The following ERBB4 variants were observed in gnomAD, a reference collection of about 807,000 sequenced individuals.
ERBB4 encodes erb-b2 receptor tyrosine kinase 4.
A neutral mutation model predicts 158.0 loss-of-function variants in ERBB4; 42 were observed. The ratio of observed to expected loss-of-function variants is 0.27; its 90% CI spans 0.21 to 0.34. ERBB4 has a LOEUF of 0.34. ERBB4 is among the 10% of genes least tolerant of loss of function. The pLI is 1.00. For missense variants in ERBB4, 1,333 were observed against 1,624.1 expected (o/e 0.82, Z 3.08); for synonymous variants, 583 against 558.7 (o/e 1.04, Z -0.61).
intron 1 of ERBB4, among the ~76,000 whole-genome samples, chr2:212,247,775 G>A (rs966928841): frequency 1.4e-4 from 22 of 152,140 alleles, no homozygotes; most frequent in African/African-American, 5.3e-4. Context: ...ACCTGCCTGG[G>A]CAACATGGTG....
At position 211,861,139 on chromosome 2, in the gene ERBB4, TATATATATATATATATTAAA is replaced by T. The variant is rs1402583129; in HGVS notation, c.422-73000_422-72981del. 6.5e-3 allele frequency among the ~76,000 whole-genome samples: 231 copies of T among 35,688 alleles called. 2 individuals carry two copies. Among genetic ancestry groups the T allele is most frequent in the South Asian group, 0.013 (13 of 1,006 alleles). The allele number at this position is 35,688 out of a possible 152,430, so 23.4% of individuals were successfully genotyped here. On this transcript the variant is annotated intron_variant, in intron 3 of 27. Transcript: ENST00000342788. ...TATATATATTTTATATATATATATA[TATATATATATATATATTAAA>T]AAAAAGTAGTTTTTTTTTTTTTTGA...
At chr2:212,237,691 C>T (rs2083929717) in intron 1 of ERBB4, among the ~76,000 whole-genome samples, 1 of 152,168 alleles carries the variant, frequency 6.6e-6, no homozygotes, top group Non-Finnish European at 1.5e-5. Context: ...TGCCCCTTCT[C>T]CCAGGTGCTC....
chr2:211,433,218 G>A (rs1225894369), intron 20 of ERBB4, among the ~76,000 whole-genome samples: 6 of 152,208 alleles, frequency 3.9e-5, no homozygotes, highest in African/African-American at 1.4e-4. Flanking sequence ...TCCCTTATAT[G>A]TCATGGTAAA....
chr2:211,896,862 A>G (rs939934314), intron 3 of ERBB4, among the ~76,000 whole-genome samples: 3 of 152,036 alleles, frequency 2.0e-5, no homozygotes, highest in Admixed American at 2.0e-4. Flanking sequence ...TATTTGTTAC[A>G]ATTTCATCAT....
At chr2:212,039,607 A>C (rs1298367722) in intron 2 of ERBB4, among the ~76,000 whole-genome samples, 1 of 152,202 alleles carries the variant, frequency 6.6e-6, no homozygotes, top group African/African-American at 2.4e-5. Context: ...AGTAGCAATA[A>C]TCATCGCCAG....
Position 211,665,410 on chromosome 2 carries a change from T to C in ERBB4, c.1784A>G (p.Asp595Gly). Residue 595 changes from aspartate to glycine, a missense_variant, in exon 15 of 28, where the codon GAT becomes GGT. Asp to Gly is a moderately conservative substitution (Grantham distance 94). Around this residue, in one of 5 missense-constraint regions of ERBB4, gnomAD observed 245 missense variants for 247.5 expected, o/e 0.99. Coordinates refer to ENST00000342788, the MANE Select transcript of ERBB4 (RefSeq NM_005235.3). ...GAAACTGTTTGCCCCCTGTAAGCCA[T>C]CTGGACATTTTTCCACACAGTTTGG... ...DGPNCVEKCP[D>G]GLQGANSFIF... The C allele has an allele frequency of 6.2e-7, 1 of 1,614,100 alleles. No homozygotes were observed. The highest frequency in any genetic ancestry group is 8.5e-7 in the Non-Finnish European group (1 of 1,180,004).
chr2:211,696,350 A>G (rs913888866), intron 12 of ERBB4, among the ~76,000 whole-genome samples: 4 of 152,104 alleles, frequency 2.6e-5, no homozygotes, highest in Admixed American at 2.6e-4. Context: ...ACTGCAGGTG[A>G]TCTGCCCACC....
chr2:211,554,066 A>G (rs1011857142), intron 20 of ERBB4, among the ~76,000 whole-genome samples: 1 of 152,224 alleles, frequency 6.6e-6, no homozygotes, highest in African/African-American at 2.4e-5. Flanking sequence ...ATGAGACACA[A>G]CTACAGATAA....
intron 1 of ERBB4, among the ~76,000 whole-genome samples, chr2:212,212,365 A>G (rs1340893433): frequency 2.6e-5 from 4 of 152,102 alleles, no homozygotes; most frequent in Admixed American, 2.0e-4. Context: ...GGGCATGTGA[A>G]GGACCTCTTC....
At chr2:211,544,583 G>C (rs1464426609) in intron 20 of ERBB4, among the ~76,000 whole-genome samples, 1 of 151,986 alleles carries the variant, frequency 6.6e-6, no homozygotes, top group African/African-American at 2.4e-5. Context: ...GGTAAAATGA[G>C]AAGGAAGTAA....
At chr2:211,746,660 C>G (rs2074981822) in intron 5 of ERBB4, among the ~76,000 whole-genome samples, 1 of 151,944 alleles carries the variant, frequency 6.6e-6, no homozygotes. Flanking sequence ...GAAACCCCGT[C>G]TCTACTAAAA....
intron 1 of ERBB4, among the ~76,000 whole-genome samples, chr2:212,427,330 C>T (rs892214700): frequency 3.3e-5 from 5 of 152,100 alleles, no homozygotes; most frequent in Admixed American, 6.6e-5. Context: ...GACAGTTTAT[C>T]ATATTGTCAG....
At chr2:211,514,705 G>A (rs535543778) in intron 20 of ERBB4, among the ~76,000 whole-genome samples, 1 of 152,262 alleles carries the variant, frequency 6.6e-6, no homozygotes, top group South Asian at 2.1e-4. Flanking sequence ...TACAGGTTGA[G>A]AATCCCTTAT....
chr2:211,801,060 T>C (rs1373915934), intron 3 of ERBB4, among the ~76,000 whole-genome samples: 1 of 152,202 alleles, frequency 6.6e-6, no homozygotes, highest in Non-Finnish European at 1.5e-5. Context: ...GTGTAGGGCA[T>C]TCAGTTCTTC....
chr2:211,475,363 A>C (rs1247287910), intron 20 of ERBB4, among the ~76,000 whole-genome samples: 5 of 152,072 alleles, frequency 3.3e-5, no homozygotes, highest in African/African-American at 1.2e-4. Context: ...GATGACAATA[A>C]TGTCGGCCTC....
chr2:212,162,430 T>C (rs1240410658), intron 1 of ERBB4, among the ~76,000 whole-genome samples: 8 of 151,832 alleles, frequency 5.3e-5, no homozygotes, highest in Admixed American at 2.0e-4. Flanking sequence ...GACACACTGG[T>C]GAGGGACATG....
intron 3 of ERBB4, among the ~76,000 whole-genome samples, chr2:211,908,544 G>A (rs1003164119): frequency 8.6e-5 from 13 of 151,642 alleles, no homozygotes; most frequent in South Asian, 6.3e-4. Context: ...ATTATATATC[G>A]GTGAGTGTAT....
chr2:212,434,949 T>C (rs931787110), intron 1 of ERBB4, among the ~76,000 whole-genome samples: 2 of 152,042 alleles, frequency 1.3e-5, no homozygotes, highest in African/African-American at 4.8e-5. Flanking sequence ...AAACAAATGA[T>C]TTAAAGTCCA....
chr2:211,465,052 G>A (rs1230271825), intron 20 of ERBB4, among the ~76,000 whole-genome samples: 1 of 150,204 alleles, frequency 6.7e-6, no homozygotes. Flanking sequence ...CATGATGATA[G>A]CTTACTGCAA....
Sources: gnomAD v4.1 joint callset for allele counts (sites outside exome capture counted in the v4.1 genomes callset) on GRCh38, gnomAD v4.1.1 for gene constraint, gnomAD v4.1.1 regional missense constraint, MANE v1.5 for transcripts, NCBI Gene and HGNC (gene_info 2026-07-23, HGNC 2026-07-21) for gene names.